The following KIF16B variants were observed in gnomAD, a reference collection of about 807,000 sequenced individuals.
KIF16B encodes kinesin-like protein KIF16B.
KIF16B carries 98 observed loss-of-function variants against 156.3 expected under a neutral mutation model. The observed-to-expected ratio is 0.63, with a 90% CI of 0.53 to 0.74. The LOEUF (loss-of-function observed/expected upper bound fraction) is 0.74. Ranked by LOEUF, KIF16B falls within the 30% of genes least tolerant of loss-of-function variation. KIF16B has a pLI of 0.00. For missense variants in KIF16B, 1,421 were observed against 1,606.5 expected, an observed-to-expected ratio of 0.88 and a Z score of 1.97; for synonymous variants, 564 against 583.7, an observed-to-expected ratio of 0.97 and a Z score of 0.49.
intron 12 of KIF16B, among the ~76,000 whole-genome samples, chr20:16,492,546 T>A (rs2146925188): frequency 6.6e-6 from 1 of 152,204 alleles, no homozygotes; most frequent in East Asian, 1.9e-4. Context: ...ACTTATTTTT[T>A]AAAAAAGCAT....
At chr20:16,555,322 A>T (rs1488795728) in intron 1 of KIF16B, among the ~76,000 whole-genome samples, 1 of 152,208 alleles carries the variant, frequency 6.6e-6, no homozygotes, top group Non-Finnish European at 1.5e-5. Context: ...AGACGAAATC[A>T]GAAGACAGAG....
At chr20:16,382,002 T>C (rs1484671064) in intron 17 of KIF16B, 10 of 965,016 alleles carry the variant, frequency 1.0e-5, no homozygotes, top group South Asian at 1.7e-5. Flanking sequence ...AAAAACTGTA[T>C]TGAAAAAGCA....
intron 17 of KIF16B, among the ~76,000 whole-genome samples, chr20:16,401,089 A>G (rs1006412704): frequency 2.0e-5 from 3 of 151,906 alleles, no homozygotes; most frequent in Non-Finnish European, 2.9e-5. Context: ...ACCAGAGAGA[A>G]AGTATGATGA....
chr20:16,452,271 A>G (rs901140129), intron 12 of KIF16B, among the ~76,000 whole-genome samples: 2 of 152,190 alleles, frequency 1.3e-5, no homozygotes, highest in African/African-American at 4.8e-5. Context: ...GCTACAGGAT[A>G]TTGAGAAACT....
chr20:16,295,337 A>G (rs971987565), intron 25 of KIF16B, among the ~76,000 whole-genome samples: 3 of 152,178 alleles, frequency 2.0e-5, no homozygotes, highest in Non-Finnish European at 2.9e-5. Context: ...TACAACAGTG[A>G]ATTAATATTG....
At chr20:16,564,925 T>G (rs2071198452) in intron 1 of KIF16B, among the ~76,000 whole-genome samples, 1 of 152,088 alleles carries the variant, frequency 6.6e-6, no homozygotes, top group African/African-American at 2.4e-5. Flanking sequence ...TCCCAAGCCT[T>G]GAGCCCCCTG....
chr20:16,491,317 C>T (rs1178088688), intron 12 of KIF16B, among the ~76,000 whole-genome samples: 1 of 152,030 alleles, frequency 6.6e-6, no homozygotes, highest in African/African-American at 2.4e-5. Context: ...ATGATACCGA[C>T]AAGGAGATTA....
At chr20:16,510,782 GAAGAA>G in intron 6 of KIF16B, among the ~76,000 whole-genome samples, 1 of 152,200 alleles carries the variant, frequency 6.6e-6, no homozygotes, top group African/African-American at 2.4e-5. Flanking sequence ...AGACACAAAT[GAAGAA>G]CATGAAAGCA....
At chr20:16,310,278 C>T (rs532541258) in intron 25 of KIF16B, among the ~76,000 whole-genome samples, 1 of 152,350 alleles carries the variant, frequency 6.6e-6, no homozygotes, top group South Asian at 2.1e-4. Context: ...ACATAAAACT[C>T]TGCTCATCAA....
rs376225481 is a variant in KIF16B, at chr20:16,420,271, A to G, written c.1612+6833T>C. 2.6e-5 allele frequency among the ~76,000 whole-genome samples: 4 copies of G among 152,294 alleles called. No homozygotes were observed. The South Asian group carries it at 8.3e-4, about 32-fold the overall frequency. On this transcript the variant is annotated intron_variant, in intron 15 of 25. Transcript: ENST00000354981. ...TTAAGGTGGGGAAACAGTTTATGCAATCTGACATAAGTGAGGCAGTTAACT... is the reference window on the plus strand; with the variant it reads ...TTAAGGTGGGGAAACAGTTTATGCAGTCTGACATAAGTGAGGCAGTTAACT...
In KIF16B at chr20:16,406,384, T is replaced by C; in HGVS notation, c.1685A>G (p.Glu562Gly). The C allele has an allele frequency of 6.2e-7, 1 of 1,613,520 alleles. No homozygotes were observed. The highest frequency in any genetic ancestry group is 8.5e-7 in the Non-Finnish European group (1 of 1,179,592). The stretch of plus-strand genomic sequence containing the variant: ...CGCCGTGTCCCTCACCTTCCTCTTC[T>C]CCCTGAGCTTGGCGGCTTCCTTTGG... ...NHPKEAAKLR[E>G]KRKSGLLSSF... Residue 562 changes from glutamate to glycine, a missense_variant, in exon 16 of 26, where the codon GAG becomes GGG. Glu to Gly is a moderately conservative substitution (Grantham distance 98). Coordinates refer to ENST00000354981, the MANE Select transcript of KIF16B (RefSeq NM_024704.5).
rs532446391 is a variant in KIF16B at position 16,511,583 on chromosome 20, G to A, written c.447-56C>T. On this transcript the variant is annotated intron_variant, in intron 5 of 25. Transcript: ENST00000354981. ...AAAATGATTTCAGACATTAATATCA[G>A]TAACAACACATAACAGCAGCAACCT... 2.0e-5 allele frequency: 23 copies of A among 1,147,006 alleles called. No individual in the cohort carries two copies. The East Asian group carries it at 4.1e-4, about 21-fold the overall frequency. 71.1% of individuals were successfully genotyped at this position (1,147,006 alleles called of 1,614,324 possible).
intron 24 of KIF16B, among the ~76,000 whole-genome samples, chr20:16,325,132 G>A (rs538941133): frequency 2.0e-5 from 3 of 151,872 alleles, no homozygotes; most frequent in Non-Finnish European, 4.4e-5. Context: ...CAGGAAAATC[G>A]GCATAGAAGG....
intron 15 of KIF16B, among the ~76,000 whole-genome samples, chr20:16,425,547 A>G (rs2066329786): frequency 6.6e-6 from 1 of 152,148 alleles, no homozygotes; most frequent in Non-Finnish European, 1.5e-5. Flanking sequence ...AATATTCCAT[A>G]ATGGAATGGA....
Position 16,343,355 on chromosome 20 carries a change from G to A in KIF16B, c.3622-7340C>T, listed in dbSNP as rs6034460. 2.3e-3 allele frequency among the ~76,000 whole-genome samples: 354 copies of A among 152,282 alleles called. 4 individuals are homozygous for A. The East Asian group carries it at 0.029, about 13-fold the overall frequency. On this transcript the variant is annotated intron_variant, in intron 23 of 25. Transcript: ENST00000354981. Reference sequence around the variant, plus strand: ...TTGCCAGTGTTAAGATCTGTCATCAGTAGATATTTGGTTATGTATATCTAG... The same window carrying A: ...TTGCCAGTGTTAAGATCTGTCATCAATAGATATTTGGTTATGTATATCTAG...
Position 16,347,087 on chromosome 20 carries a change from A to G in KIF16B, c.3621+9243T>C, listed in dbSNP as rs560312874. 2.0e-5 allele frequency among the ~76,000 whole-genome samples: 3 copies of G among 152,298 alleles called. No individual in the cohort carries two copies. In the East Asian group the frequency reaches 5.8e-4, roughly 29 times the overall value. On this transcript the variant is annotated intron_variant, in intron 23 of 25. Coordinates refer to ENST00000354981, the MANE Select transcript of KIF16B (RefSeq NM_024704.5). ...ATTTCTTCATCTGTAAAATGCATTC[A>G]TGATTCCTAACCTGCAGATGAACTA... is the stretch of plus-strand genomic sequence containing the variant.
At chr20:16,281,151 A>T (rs989208516) in intron 25 of KIF16B, among the ~76,000 whole-genome samples, 44 of 152,122 alleles carry the variant, frequency 2.9e-4, no homozygotes, top group African/African-American at 1.1e-3. Context: ...TTTTAACATA[A>T]ATCTATAATT....
chr20:16,300,139 C>G (rs565897562), intron 25 of KIF16B, among the ~76,000 whole-genome samples: 1 of 152,102 alleles, frequency 6.6e-6, no homozygotes, highest in African/African-American at 2.4e-5. Flanking sequence ...AACATTTTAA[C>G]ACGGAAAGGG....
chr20:16,277,459 T>TTATATATATATATA (rs60624017), intron 25 of KIF16B, among the ~76,000 whole-genome samples: 7 of 143,902 alleles, frequency 4.9e-5, no homozygotes, highest in African/African-American at 1.8e-4. Flanking sequence ...TATGTACATA[T>TTATATATATATATA]TATATATATA....
Sources: allele counts gnomAD v4.1 joint callset (sites outside exome capture counted in the v4.1 genomes callset), GRCh38; gene constraint gnomAD v4.1.1; transcripts MANE v1.5; gene names NCBI Gene and HGNC (gene_info 2026-07-23, HGNC 2026-07-21).